The following MICU3 variants were observed in gnomAD, a reference collection of about 807,000 sequenced individuals.
The protein encoded by MICU3 is calcium uptake protein 3, mitochondrial.
A neutral mutation model predicts 66.5 loss-of-function variants in MICU3; 62 were observed. That is an observed-to-expected ratio of 0.93 (90% CI 0.76 to 1.15). MICU3 has a LOEUF of 1.15. Among genes scored for constraint, MICU3 ranks in the 50% most tolerant of loss-of-function variants. The pLI is 0.00. For missense variants in MICU3, 779 were observed against 664.4 expected, an observed-to-expected ratio of 1.17 and a Z score of -1.90; for synonymous variants, 308 against 240.7, an observed-to-expected ratio of 1.28 and a Z score of -2.59.
downstream of MICU3, among the ~76,000 whole-genome samples, chr8:17,126,154 T>G (rs2150853311): frequency 1.4e-5 from 2 of 145,964 alleles, 1 homozygote; most frequent in South Asian, 4.3e-4. Context: ...TAATGTAAAT[T>G]CTTCCTAAAC....
intron 1 of MICU3, among the ~76,000 whole-genome samples, chr8:17,041,067 G>T (rs552156459): frequency 6.6e-6 from 1 of 152,284 alleles, no homozygotes; most frequent in Non-Finnish European, 1.5e-5. Flanking sequence ...TAAGTCAGAA[G>T]CTCAGGAGAG....
At chr8:17,108,786 A>ACC (rs1470073469) in intron 11 of MICU3, among the ~76,000 whole-genome samples, 1 of 152,106 alleles carries the variant, frequency 6.6e-6, no homozygotes, top group African/African-American at 2.4e-5. Flanking sequence ...TTTCGATCAT[A>ACC]CCACAGTAAG....
intron 1 of MICU3, among the ~76,000 whole-genome samples, chr8:17,041,152 A>G (rs2150525498): frequency 6.6e-6 from 1 of 152,288 alleles, no homozygotes; most frequent in South Asian, 2.1e-4. Flanking sequence ...ATTGTTCAGA[A>G]TATGTAGAAT....
At chr8:17,119,009 C>G (rs904591892) in intron 14 of MICU3, among the ~76,000 whole-genome samples, 1 of 152,110 alleles carries the variant, frequency 6.6e-6, no homozygotes, top group Non-Finnish European at 1.5e-5. Context: ...GGATAATTAG[C>G]ACCCAAAGAA....
chr8:17,061,882 G>C (rs1476468806), intron 1 of MICU3, among the ~76,000 whole-genome samples: 2 of 152,150 alleles, frequency 1.3e-5, no homozygotes, highest in Admixed American at 1.3e-4. Flanking sequence ...AGTATCTCAT[G>C]TCTCACCCAC....
At chr8:17,074,590 C>CGTGTGTGTGTGTGT (rs35861279) in intron 3 of MICU3, among the ~76,000 whole-genome samples, 17 of 141,944 alleles carry the variant, frequency 1.2e-4, no homozygotes, top group African/African-American at 3.6e-4. Context: ...GATGTTAAAA[C>CGTGTGTGTGTGTGT]GTGTGTGTGT....
chr8:17,067,844 T>C (rs901017920), intron 2 of MICU3, among the ~76,000 whole-genome samples: 2 of 152,174 alleles, frequency 1.3e-5, no homozygotes, highest in Non-Finnish European at 2.9e-5. Context: ...CATTTTATGA[T>C]GACATTCAAC....
Position 17,074,860 on chromosome 8 carries a change from A to G in MICU3, c.568-2923A>G, listed in dbSNP as rs1296715415. 2.6e-5 allele frequency among the ~76,000 whole-genome samples: 4 copies of G among 152,094 alleles called. No homozygotes were observed. The East Asian group carries it at 7.7e-4, about 29-fold the overall frequency. On this transcript the variant is annotated intron_variant, in intron 3 of 14. Transcript: ENST00000318063. ...TTAATTCAGCAAATATTTATTTTCT[A>G]CCTACAATTTAATTCTGACGCTAAC...
At chr8:17,091,795 T>A (rs73194726) in intron 8 of MICU3, among the ~76,000 whole-genome samples, 1 of 152,230 alleles carries the variant, frequency 6.6e-6, no homozygotes, top group Non-Finnish European at 1.5e-5. Flanking sequence ...ATTTCAACAA[T>A]TTCTGGAATG....
chr8:17,066,325 T>TA (rs1238412471), intron 2 of MICU3, among the ~76,000 whole-genome samples: 8 of 151,604 alleles, frequency 5.3e-5, no homozygotes, highest in Admixed American at 4.6e-4. Flanking sequence ...TCAGGAAACT[T>TA]ACGATATTAT....
In MICU3 at chr8:17,116,464, A is replaced by T; in HGVS notation, c.1388A>T (p.Tyr463Phe). 2.0e-6 allele frequency: 3 copies of T among 1,520,352 alleles called. No individual in the cohort carries two copies. The highest frequency in any genetic ancestry group is 2.6e-6 in the Non-Finnish European group (3 of 1,140,612). The allele number at this position is 1,520,352 out of a possible 1,614,324, so 94.2% of individuals were successfully genotyped here. ...CTAGATGAATTTAAACGTGCCGTCT[A>T]TGTAGCTACTGGACTCAAATTTTCA... is the stretch of plus-strand genomic sequence containing the variant. ...IGQDEFKRAV[Y>F]VATGLKFSPH... is the part of the protein sequence containing the mutation. The change falls in exon 13 of 15, where the codon TAT (tyrosine) becomes TTT (phenylalanine). Residue 463 changes from tyrosine to phenylalanine, a missense_variant. By Grantham distance (22) the Tyr-to-Phe change is conservative. Coordinates refer to ENST00000318063, the MANE Select transcript of MICU3 (RefSeq NM_181723.3).
At chr8:17,054,526 A>G (rs1816595244) in intron 1 of MICU3, among the ~76,000 whole-genome samples, 1 of 152,186 alleles carries the variant, frequency 6.6e-6, no homozygotes, top group South Asian at 2.1e-4. Flanking sequence ...TTGCATAATT[A>G]TAGAGCAAAA....
downstream of MICU3, among the ~76,000 whole-genome samples, chr8:17,123,248 C>A (rs1231027831): frequency 6.6e-6 from 1 of 152,054 alleles, no homozygotes; most frequent in African/African-American, 2.4e-5. Context: ...CTCTATATAG[C>A]ATAATCAGTA....
intron 1 of MICU3, among the ~76,000 whole-genome samples, chr8:17,057,835 C>CTTGTTG (rs3988341): frequency 0.034 from 5,137 of 150,510 alleles, 138 homozygotes; most frequent in Non-Finnish European, 0.054. Flanking sequence ...TGTTGTTGTT[C>CTTGTTG]TTGTTGTTGT....
At chr8:17,094,448 G>A (rs1332567918) in intron 8 of MICU3, among the ~76,000 whole-genome samples, 1 of 151,966 alleles carries the variant, frequency 6.6e-6, no homozygotes, top group Non-Finnish European at 1.5e-5. Flanking sequence ...TTTAATGTAG[G>A]AAAAACAACT....
chr8:17,081,035 T>C (rs1395606950), intron 4 of MICU3, among the ~76,000 whole-genome samples: 1 of 152,084 alleles, frequency 6.6e-6, no homozygotes, highest in Non-Finnish European at 1.5e-5. Context: ...AGAATGCACT[T>C]TTTTATTTAC....
intron 9 of MICU3, among the ~76,000 whole-genome samples, chr8:17,099,546 A>C (rs751036044): frequency 6.6e-6 from 1 of 151,770 alleles, no homozygotes; most frequent in Non-Finnish European, 1.5e-5. Context: ...AAGCAATTAA[A>C]GTATTTTGTC....
chr8:17,066,262 T>C (rs1818660759), intron 2 of MICU3, among the ~76,000 whole-genome samples: 1 of 151,742 alleles, frequency 6.6e-6, no homozygotes, highest in Admixed American at 6.6e-5. Context: ...ATATGTCTGC[T>C]TCTGTATTAA....
At chr8:17,104,646 A>G (rs1220350241) in intron 10 of MICU3, among the ~76,000 whole-genome samples, 155 bp downstream of exon 10, 1 of 151,994 alleles carries the variant, frequency 6.6e-6, no homozygotes, top group African/African-American at 2.4e-5. Flanking sequence ...ATCAGTACCT[A>G]CATACCAGTG....
Sources: allele counts gnomAD v4.1 joint callset (sites outside exome capture counted in the v4.1 genomes callset), GRCh38; gene constraint gnomAD v4.1.1; transcripts MANE v1.5; gene names NCBI Gene and HGNC (gene_info 2026-07-23, HGNC 2026-07-21).